FRMD4B: variants seen among roughly 807,000 people sequenced by gnomAD.
FRMD4B encodes FERM domain-containing protein 4B.
Under a neutral mutation model 141.5 loss-of-function variants are expected in FRMD4B, and 74 were observed. That is an observed-to-expected ratio of 0.52 (90% CI 0.43 to 0.63). The LOEUF (loss-of-function observed/expected upper bound fraction) is 0.63, where lower values mean the gene tolerates loss of function less well. Ranked by LOEUF, FRMD4B falls within the 30% of genes least tolerant of loss-of-function variation. FRMD4B has a pLI of 0.00. For synonymous variants in FRMD4B, 506 were observed against 467.9 expected, an observed-to-expected ratio of 1.08 and a Z score of -1.05; for missense variants, 1,366 against 1,253.4, an observed-to-expected ratio of 1.09 and a Z score of -1.36.
intron 1 of FRMD4B, among the ~76,000 whole-genome samples, chr3:69,366,103 ACAC>A (rs1417127548): frequency 1.1e-4 from 16 of 149,916 alleles, no homozygotes; most frequent in African/African-American, 3.0e-4. Context: ...ACACACACAC[ACAC>A]AAAATTAGCT....
intron 1 of FRMD4B, among the ~76,000 whole-genome samples, chr3:69,527,669 G>A (rs1377357004): frequency 1.3e-5 from 2 of 152,132 alleles, no homozygotes; most frequent in Non-Finnish European, 2.9e-5. Context: ...AACTTTGAAA[G>A]GTCCCATGTG....
chr3:69,183,637 C>A (rs1418849221), intron 19 of FRMD4B, among the ~76,000 whole-genome samples: 1 of 151,866 alleles, frequency 6.6e-6, no homozygotes, highest in African/African-American at 2.4e-5. Context: ...CGCCCACCAC[C>A]ACGCCTGGCT....
At chr3:69,474,770 A>G (rs921049811) in intron 1 of FRMD4B, among the ~76,000 whole-genome samples, 3 of 152,226 alleles carry the variant, frequency 2.0e-5, no homozygotes, top group Non-Finnish European at 4.4e-5. Context: ...AAGGGGCAAG[A>G]GTGAACAAGA....
At chr3:69,216,729 A>C (rs1287060581) in intron 10 of FRMD4B, among the ~76,000 whole-genome samples, 1 of 151,950 alleles carries the variant, frequency 6.6e-6, no homozygotes, top group Non-Finnish European at 1.5e-5. Flanking sequence ...CACACCTGGC[A>C]ATTTCACCTC....
intron 11 of FRMD4B, among the ~76,000 whole-genome samples, chr3:69,201,510 A>C (rs2092967575): frequency 6.6e-6 from 1 of 151,666 alleles, no homozygotes. Context: ...TTCACCATCT[A>C]ATCAGTTGGG....
chr3:69,511,396 T>C (rs1310237137), intron 1 of FRMD4B, among the ~76,000 whole-genome samples: 1 of 152,164 alleles, frequency 6.6e-6, no homozygotes. Flanking sequence ...AAAACACACA[T>C]AGTCCCTGCC....
chr3:69,233,400 C>T (rs906160536), intron 7 of FRMD4B, among the ~76,000 whole-genome samples: 2 of 151,686 alleles, frequency 1.3e-5, no homozygotes, highest in East Asian at 1.9e-4. Context: ...GGGAGAATCA[C>T]CTGAGGCCGG....
intron 5 of FRMD4B, among the ~76,000 whole-genome samples, chr3:69,265,269 AATATATATATATATATAT>A (rs1175250592): frequency 0.32 from 7,521 of 23,384 alleles, 1,924 homozygotes; most frequent in Non-Finnish European, 0.38. Context: ...AAAAAAAAAA[AATATATATATATATATAT>A]ATATATATAT....
At chr3:69,311,759 T>G (rs1464552924) in intron 2 of FRMD4B, among the ~76,000 whole-genome samples, 1 of 152,088 alleles carries the variant, frequency 6.6e-6, no homozygotes, top group African/African-American at 2.4e-5. Flanking sequence ...ACATTTTGCT[T>G]GTTGGTGGCC....
intron 1 of FRMD4B, among the ~76,000 whole-genome samples, chr3:69,453,274 A>G (rs1405243437): frequency 6.6e-6 from 1 of 152,220 alleles, no homozygotes; most frequent in Non-Finnish European, 1.5e-5. Flanking sequence ...AGCCTCTTGC[A>G]TCTGGCTGGC....
intron 1 of FRMD4B, among the ~76,000 whole-genome samples, chr3:69,508,416 G>T (rs1238374743): frequency 6.6e-6 from 1 of 152,068 alleles, no homozygotes; most frequent in Non-Finnish European, 1.5e-5. Flanking sequence ...AAATTTCCTT[G>T]AGGACAAATT....
At chr3:69,240,220 T>C (rs1217140719) in intron 7 of FRMD4B, among the ~76,000 whole-genome samples, 3 of 152,108 alleles carry the variant, frequency 2.0e-5, no homozygotes, top group Non-Finnish European at 4.4e-5. Flanking sequence ...CCAGGCATGA[T>C]GGCTCATGCC....
intron 1 of FRMD4B, among the ~76,000 whole-genome samples, chr3:69,325,320 C>T (rs1414800460): frequency 1.3e-5 from 2 of 152,212 alleles, no homozygotes; most frequent in Non-Finnish European, 2.9e-5. Context: ...AGCTCTAATG[C>T]CAACCTGGCA....
chr3:69,173,663 A>G (rs2092612051), intron 22 of FRMD4B, among the ~76,000 whole-genome samples: 2 of 152,218 alleles, frequency 1.3e-5, no homozygotes, highest in Non-Finnish European at 2.9e-5. Context: ...AAATAAACAA[A>G]TGGATGGAAA....
intron 1 of FRMD4B, among the ~76,000 whole-genome samples, chr3:69,500,786 C>T (rs1357389777): frequency 4.6e-5 from 7 of 151,964 alleles, no homozygotes; most frequent in Admixed American, 1.3e-4. Flanking sequence ...GGAACGCCCA[C>T]GCTCTCTTTT....
At position 69,176,520 on chromosome 3, in the gene FRMD4B, T is replaced by TGCTCGAG; in HGVS notation, c.2984+3_2984+4insCTCGAGC. On this transcript the variant is annotated splice_donor_region_variant and intron_variant, in intron 22 of 22. Coordinates refer to ENST00000398540, the MANE Select transcript of FRMD4B (RefSeq NM_015123.3). Reference sequence around the variant, plus strand: ...CCTAGGATTTTCGAGCATTGCTTCCTCACCTGCTTGGAGAGGGTAAAGGAT... The same window carrying TGCTCGAG: ...CCTAGGATTTTCGAGCATTGCTTCCTGCTCGAGCACCTGCTTGGAGAGGGTAAAGGAT... The TGCTCGAG allele has an allele frequency of 1.2e-6, 2 of 1,610,714 alleles. No individual in the cohort carries two copies. Among genetic ancestry groups the TGCTCGAG allele is most frequent in the Non-Finnish European group, 1.7e-6 (2 of 1,177,324 alleles).
intron 1 of FRMD4B, among the ~76,000 whole-genome samples, chr3:69,442,622 T>G (rs1705358614): frequency 6.6e-6 from 1 of 152,130 alleles, no homozygotes; most frequent in African/African-American, 2.4e-5. Flanking sequence ...AATGCCATCC[T>G]TATTTAAGAT....
intron 1 of FRMD4B, among the ~76,000 whole-genome samples, chr3:69,486,008 T>C (rs527713344): frequency 6.6e-6 from 1 of 152,372 alleles, no homozygotes; most frequent in Non-Finnish European, 1.5e-5. Context: ...TAGATTGAGA[T>C]ACAATGCATT....
At chr3:69,500,787 GCT>G (rs1465310369) in intron 1 of FRMD4B, among the ~76,000 whole-genome samples, 1 of 150,976 alleles carries the variant, frequency 6.6e-6, no homozygotes, top group Non-Finnish European at 1.5e-5. Flanking sequence ...GAACGCCCAC[GCT>G]CTCTTTTCTG....
Sources: gnomAD v4.1 joint callset for allele counts (sites outside exome capture counted in the v4.1 genomes callset) on GRCh38, gnomAD v4.1.1 for gene constraint, MANE v1.5 for transcripts, NCBI Gene and HGNC (gene_info 2026-07-23, HGNC 2026-07-21) for gene names.